ZNG1A: variants seen among roughly 807,000 people sequenced by gnomAD.
ZNG1A encodes the protein Zn regulated GTPase metalloprotein activator 1A.
At chr9:178,059 C>T in the ZNG1A span, among the ~76,000 whole-genome samples, 1 of 150,358 alleles carries the variant, frequency 6.7e-6, no homozygotes, top group Non-Finnish European at 1.5e-5. Flanking sequence ...TCTAATACAG[C>T]CATATATTTG....
the ZNG1A span, chr9:121,653 A>G: frequency 7.0e-7 from 1 of 1,437,610 alleles, no homozygotes; most frequent in Non-Finnish European, 9.7e-7. Flanking sequence ...CCAGTTCATT[A>G]AATGCTTTAT....
At chr9:127,257 G>C in the ZNG1A span, among the ~76,000 whole-genome samples, 2 of 152,040 alleles carry the variant, frequency 1.3e-5, no homozygotes, top group Admixed American at 6.6e-5. Flanking sequence ...TTGATGACCT[G>C]TCCAGTGCTG....
At chr9:132,015 C>CAA in the ZNG1A span, among the ~76,000 whole-genome samples, 3 of 139,218 alleles carry the variant, frequency 2.2e-5, no homozygotes, top group South Asian at 4.9e-4. Flanking sequence ...TTCTTCCCGT[C>CAA]AAAAAAAATC....
At chr9:152,652 A>G in the ZNG1A span, among the ~76,000 whole-genome samples, 1 of 151,942 alleles carries the variant, frequency 6.6e-6, no homozygotes, top group South Asian at 2.1e-4. Flanking sequence ...CCCTCTTTTG[A>G]TACTATAGAA....
chr9:165,544 G>A, the ZNG1A span, among the ~76,000 whole-genome samples: 67 of 134,656 alleles, frequency 5.0e-4, 1 homozygote, highest in African/African-American at 9.6e-4. Context: ...TCAAATCAGG[G>A]TGCTTTTCTC....
chr9:149,990 T>C, the ZNG1A span: 2 of 151,142 alleles, frequency 1.3e-5, no homozygotes, highest in Non-Finnish European at 2.9e-5. Flanking sequence ...AGCCTTTTTC[T>C]ACACATGCTT....
the ZNG1A span, among the ~76,000 whole-genome samples, chr9:176,962 A>G: frequency 6.6e-6 from 1 of 152,196 alleles, no homozygotes; most frequent in Non-Finnish European, 1.5e-5. Flanking sequence ...AGAGCTTAGA[A>G]ATATCAAGGG....
the ZNG1A span, among the ~76,000 whole-genome samples, chr9:139,685 C>G: frequency 2.0e-5 from 3 of 151,812 alleles, no homozygotes; most frequent in Non-Finnish European, 4.4e-5. Flanking sequence ...GGAACAGCTC[C>G]GGTCTACAGC....
At chr9:141,070 G>A in the ZNG1A span, among the ~76,000 whole-genome samples, 2 of 137,998 alleles carry the variant, frequency 1.4e-5, no homozygotes, top group East Asian at 2.3e-4. Context: ...TCTGATTGGT[G>A]TACCTGAAAG....
chr9:156,307 G>A, the ZNG1A span, among the ~76,000 whole-genome samples: 1 of 151,372 alleles, frequency 6.6e-6, no homozygotes, highest in Non-Finnish European at 1.5e-5. Context: ...TTAAGTAAAA[G>A]TTTAGTTATC....
the ZNG1A span, chr9:156,544 T>A: frequency 6.3e-7 from 1 of 1,595,638 alleles, no homozygotes; most frequent in Non-Finnish European, 8.5e-7. Context: ...AAAAAAAAGT[T>A]GGAATAAAGT....
chr9:170,376 T>TGC, the ZNG1A span, among the ~76,000 whole-genome samples: 8 of 135,928 alleles, frequency 5.9e-5, 2 homozygotes, highest in African/African-American at 2.2e-4. Flanking sequence ...TGTGTGTGTG[T>TGC]GCGCATGTGC....
chr9:128,792 CTCATT>C, the ZNG1A span, among the ~76,000 whole-genome samples: 2 of 150,514 alleles, frequency 1.3e-5, no homozygotes, highest in African/African-American at 5.0e-5. Context: ...CTGGTTCCTT[CTCATT>C]TGGGTAGGCT....
At chr9:136,197 TAA>T in the ZNG1A span, among the ~76,000 whole-genome samples, 2 of 59,542 alleles carry the variant, frequency 3.4e-5, no homozygotes, top group African/African-American at 1.2e-4. Context: ...TACACATTTT[TAA>T]AAGACTAATC....
the ZNG1A span, chr9:172,501 T>C: frequency 4.5e-6 from 1 of 224,140 alleles, no homozygotes; most frequent in African/African-American, 2.3e-5. Flanking sequence ...ATAAAATGTA[T>C]TAACTATAGT....
the ZNG1A span, chr9:167,409 T>C: frequency 1.5e-4 from 21 of 144,602 alleles, 2 homozygotes; most frequent in African/African-American, 5.6e-4. Flanking sequence ...TGAGGGGGAA[T>C]AAAGTGTGAC....
chr9:139,342 G>A, the ZNG1A span, among the ~76,000 whole-genome samples: 1 of 149,498 alleles, frequency 6.7e-6, no homozygotes, highest in African/African-American at 2.5e-5. Context: ...GTGTAGAATG[G>A]TGGATGCCAG....
the ZNG1A span, among the ~76,000 whole-genome samples, chr9:163,624 A>G: frequency 2.6e-5 from 4 of 151,096 alleles, no homozygotes; most frequent in African/African-American, 9.8e-5. Flanking sequence ...ATTTTACTAA[A>G]AAACAAAAGA....
chr9:131,897 C>T, the ZNG1A span, among the ~76,000 whole-genome samples: 1 of 142,958 alleles, frequency 7.0e-6, no homozygotes, highest in Non-Finnish European at 1.5e-5. Context: ...TACCTTAGAC[C>T]AGGATTCCAG....
Sources: allele counts gnomAD v4.1 joint callset (sites outside exome capture counted in the v4.1 genomes callset), GRCh38; gene constraint gnomAD v4.1.1; transcripts MANE v1.5; gene names NCBI Gene and HGNC (gene_info 2026-07-23, HGNC 2026-07-21).